AOPEP: variants seen among roughly 807,000 people sequenced by gnomAD.
The protein encoded by AOPEP is aminopeptidase O (putative), also known as aminopeptidase O.
Under a neutral mutation model 98.1 loss-of-function variants are expected in AOPEP, and 77 were observed. That is an observed-to-expected ratio of 0.78 (90% confidence interval 0.65 to 0.95). The LOEUF is 0.95. Among genes scored for constraint, AOPEP ranks in the 40% least tolerant of loss-of-function variants. The probability of loss-of-function intolerance (pLI) is 0.00; values close to 1 mark genes in which losing one functional copy is unlikely to be tolerated. For synonymous variants in AOPEP, 346 were observed against 365.3 expected (o/e 0.95, Z 0.60); for missense variants, 1,024 against 1,024.7 (o/e 1.00, Z 0.01).
At chr9:95,148,658 T>C in the AOPEP span, among the ~76,000 whole-genome samples, 2 of 152,216 alleles carry the variant, frequency 1.3e-5, no homozygotes, top group Non-Finnish European at 2.9e-5. Context: ...GTTTGGAAGA[T>C]ATACATAACT....
intron 7 of AOPEP, among the ~76,000 whole-genome samples, chr9:94,940,268 T>C (rs1240967690): frequency 6.6e-6 from 1 of 152,184 alleles, no homozygotes; most frequent in African/African-American, 2.4e-5. Context: ...AACATGTATG[T>C]TAAGTTGAAT....
intron 7 of AOPEP, among the ~76,000 whole-genome samples, chr9:94,948,545 T>G (rs528029008): frequency 1.3e-5 from 2 of 152,240 alleles, no homozygotes; most frequent in South Asian, 2.1e-4. Context: ...GTCTACCTCC[T>G]TCAGCTTCTT....
chr9:94,864,450 GA>G (rs1374182098), intron 5 of AOPEP, among the ~76,000 whole-genome samples: 4 of 152,126 alleles, frequency 2.6e-5, no homozygotes, highest in East Asian at 1.9e-4. Flanking sequence ...TTTTAGAGGG[GA>G]AAAAAATGCG....
chr9:95,108,139 G>A, the AOPEP span, among the ~76,000 whole-genome samples: 7 of 151,972 alleles, frequency 4.6e-5, no homozygotes, highest in East Asian at 9.6e-4. Context: ...TGTGTGAGGC[G>A]TTTTTTTTCC....
rs1043593830 is a variant in AOPEP at position 95,011,106 on chromosome 9, G to T, written c.2115+5490G>T. ...ACCAAGGAATAATTGCTGATAAAAG[G>T]TATTTTTGGTAGCCTCAGGAAGGAA... On this transcript the variant is annotated intron_variant, in intron 13 of 16. Coordinates refer to ENST00000375315, the MANE Select transcript of AOPEP (RefSeq NM_001193329.3). 3.9e-5 allele frequency among the ~76,000 whole-genome samples: 6 copies of T among 151,986 alleles called. No individual in the cohort carries two copies. The South Asian group carries it at 1.2e-3, about 32-fold the overall frequency.
downstream of AOPEP, among the ~76,000 whole-genome samples, chr9:95,087,757 C>A (rs968495976): frequency 2.6e-5 from 4 of 152,200 alleles, no homozygotes; most frequent in African/African-American, 9.7e-5. Context: ...GGGCACTGAG[C>A]TTCCTTGGCA....
chr9:95,122,126 G>A, the AOPEP span, among the ~76,000 whole-genome samples: 14 of 152,100 alleles, frequency 9.2e-5, no homozygotes, highest in African/African-American at 3.4e-4. Flanking sequence ...CCAAAGTGCT[G>A]GGATTACAGG....
intron 2 of AOPEP, among the ~76,000 whole-genome samples, chr9:94,764,369 G>A (rs546026446): frequency 2.0e-5 from 3 of 152,318 alleles, no homozygotes; most frequent in East Asian, 3.9e-4. Context: ...TGTCCTGGCC[G>A]GGTGCAGTGG....
chr9:94,895,979 C>G (rs1435571243), intron 5 of AOPEP, among the ~76,000 whole-genome samples: 1 of 152,170 alleles, frequency 6.6e-6, no homozygotes, highest in Non-Finnish European at 1.5e-5. Context: ...GTTATAAAGC[C>G]TAAAATATTT....
At chr9:94,777,183 C>G (rs905160166) in intron 3 of AOPEP, among the ~76,000 whole-genome samples, 1 of 151,908 alleles carries the variant, frequency 6.6e-6, no homozygotes, top group Non-Finnish European at 1.5e-5. Context: ...GCCTGTAATC[C>G]CAGCACTTCG....
chr9:95,107,514 C>T, the AOPEP span: 2 of 582,596 alleles, frequency 3.4e-6, no homozygotes, highest in Non-Finnish European at 6.1e-6. Context: ...AGGAACTGAC[C>T]TTTTTTTGTA....
intron 16 of AOPEP, 71 bp from the exon 17 acceptor site, chr9:95,086,611 A>G: frequency 4.0e-6 from 4 of 991,496 alleles, no homozygotes; most frequent in Non-Finnish European, 4.8e-6. Context: ...GCAAAGGCAC[A>G]CAGAGGTGCG....
At chr9:94,774,700 G>T (rs1212446390) in intron 3 of AOPEP, among the ~76,000 whole-genome samples, 1 of 151,814 alleles carries the variant, frequency 6.6e-6, no homozygotes, top group African/African-American at 2.4e-5. Context: ...AAATTCCAGG[G>T]GAGACATTTT....
At chr9:95,109,985 A>G in the AOPEP span, among the ~76,000 whole-genome samples, 2 of 152,178 alleles carry the variant, frequency 1.3e-5, no homozygotes, top group Non-Finnish European at 2.9e-5. Context: ...ACCAGCAAGG[A>G]AGGGGCTCTG....
At chr9:94,990,430 TAGAA>T (rs2060820359) in intron 11 of AOPEP, among the ~76,000 whole-genome samples, 1 of 152,082 alleles carries the variant, frequency 6.6e-6, no homozygotes, top group Non-Finnish European at 1.5e-5. Flanking sequence ...GAAACCTTTT[TAGAA>T]AGAAAGAGCA....
At position 94,924,112 on chromosome 9, in the gene AOPEP, G is replaced by A; in HGVS notation, c.1491G>A (p.Glu497=). ...GLAIGARDWT[E]EWLSEGFATH... ...CCATCGGGGCCCGAGACTGGACGGA[G>A]GAGTGGCTGAGTGAAGGCTTCGCCA... The change falls in exon 6 of 17, where the codon GAG becomes GAA. Residue 497 remains glutamate (E), a synonymous_variant. Coordinates refer to ENST00000375315, the MANE Select transcript of AOPEP (RefSeq NM_001193329.3). 6.6e-7 allele frequency: 1 copy of A among 1,511,088 alleles called. No homozygotes were observed. Among genetic ancestry groups the A allele is most frequent in the Non-Finnish European group, 8.9e-7 (1 of 1,126,868 alleles). 93.6% of individuals were successfully genotyped at this position (1,511,088 alleles called of 1,614,324 possible). A position where few individuals can be genotyped will look rare whatever the true frequency, so the allele number is the denominator to read the frequency against.
At chr9:94,812,753 G>A (rs1223345134) in intron 5 of AOPEP, among the ~76,000 whole-genome samples, 2 of 152,126 alleles carry the variant, frequency 1.3e-5, no homozygotes, top group Non-Finnish European at 2.9e-5. Context: ...TGGTTGAGTT[G>A]AGTTTCTGTT....
chr9:94,913,155 A>G (rs528403561), intron 5 of AOPEP, among the ~76,000 whole-genome samples: 1 of 152,344 alleles, frequency 6.6e-6, no homozygotes, highest in South Asian at 2.1e-4. Context: ...GCAAAGAATG[A>G]TGAGTCAAGG....
chr9:95,100,538 A>AAAAG, the AOPEP span: 1 of 231,914 alleles, frequency 4.3e-6, no homozygotes, highest in South Asian at 1.8e-4. Context: ...GAATAGACAC[A>AAAAG]AAAGAATGTA....
Sources: gnomAD v4.1 joint callset for allele counts (sites outside exome capture counted in the v4.1 genomes callset) on GRCh38, gnomAD v4.1.1 for gene constraint, MANE v1.5 for transcripts, NCBI Gene and HGNC (gene_info 2026-07-23, HGNC 2026-07-21) for gene names.